DEF6: variants seen among roughly 807,000 people sequenced by gnomAD.
The protein encoded by DEF6 is differentially expressed in FDCP 6 homolog.
A neutral mutation model predicts 80.5 loss-of-function variants in DEF6; 32 were observed. The observed-to-expected ratio is 0.40, with a 90% CI of 0.30 to 0.53. DEF6 has a LOEUF of 0.53. Ranked by LOEUF, DEF6 falls within the 20% of genes least tolerant of loss-of-function variation. DEF6 has a pLI of 0.57. For missense variants in DEF6, 575 were observed against 818.7 expected (o/e 0.70, Z 3.63); for synonymous variants, 300 against 337.9 (o/e 0.89, Z 1.23).
In DEF6 at chr6:35,318,541, G is replaced by A. The variant is rs1346783675; in HGVS notation, c.1215+70G>A. On this transcript the variant is annotated intron_variant, in intron 7 of 10. Transcript: ENST00000316637. The surrounding 1 kb of genome is among the most constrained non-coding windows in gnomAD (Gnocchi z 5.1). ...AGGCTGGCCAGGGGCGGAGCGCCGG[G>A]GGCGGGGCCTGGGCAGAGGGCGGAG... 3 of 1,332,926 alleles carry A rather than the reference G, an allele frequency of 2.3e-6. No individual in the cohort carries two copies. Among genetic ancestry groups the A allele is most frequent in the Non-Finnish European group, 2.9e-6 (3 of 1,044,878 alleles). The allele number at this position is 1,332,926 out of a possible 1,614,324, so 82.6% of individuals were successfully genotyped here. A position where few individuals can be genotyped will look rare whatever the true frequency, so the allele number is the denominator to read the frequency against.
At chr6:35,305,184 CA>C (rs1791372967) in intron 1 of DEF6, among the ~76,000 whole-genome samples, 1 of 148,508 alleles carries the variant, frequency 6.7e-6, no homozygotes, top group Non-Finnish European at 1.5e-5. Flanking sequence ...CTGGATCTGT[CA>C]CTCAGGCTGG....
At chr6:35,309,484 A>T (rs1160308804) in intron 1 of DEF6, among the ~76,000 whole-genome samples, 186 bp from the exon 2 acceptor site, 1 of 152,224 alleles carries the variant, frequency 6.6e-6, no homozygotes, top group African/African-American at 2.4e-5. Context: ...AGCAAATGAT[A>T]TGTAAAGTAC....
intron 1 of DEF6, among the ~76,000 whole-genome samples, chr6:35,302,512 T>A (rs1449823334): frequency 6.6e-6 from 1 of 151,886 alleles, no homozygotes; most frequent in Non-Finnish European, 1.5e-5. Context: ...CACACTTGAG[T>A]TTTTAGGATC....
chr6:35,314,153 A>C (rs956781945), intron 5 of DEF6, among the ~76,000 whole-genome samples: 1 of 152,188 alleles, frequency 6.6e-6, no homozygotes, highest in Non-Finnish European at 1.5e-5. Context: ...CATGCCTGTA[A>C]TCCCAGCACT....
rs777495649 is a variant in DEF6 at position 35,312,807 on chromosome 6, G to A, written c.807+35G>A. 1 of 1,596,672 alleles carries A rather than the reference G, an allele frequency of 6.3e-7. No individual in the cohort carries two copies. The highest frequency in any genetic ancestry group is 1.7e-5 in the Admixed American group (1 of 57,652). On this transcript the variant is annotated intron_variant, in intron 5 of 10. Transcript: ENST00000316637. This position sits in a 1 kb window ranked among gnomAD's most constrained non-coding sequence, Gnocchi z 6.6. ...AGGATGGGGGTGGAGGACATCTCAGGGCCCAGAGTGTCCTCAGGGGCATGA... is the reference window on the plus strand; with the variant it reads ...AGGATGGGGGTGGAGGACATCTCAGAGCCCAGAGTGTCCTCAGGGGCATGA...
chr6:35,305,061 C>T (rs1791371458), intron 1 of DEF6, among the ~76,000 whole-genome samples: 1 of 144,790 alleles, frequency 6.9e-6, no homozygotes, highest in Admixed American at 6.7e-5. Context: ...CTTCCTGCCT[C>T]GGCCTCCTAA....
In DEF6 at chr6:35,309,689, A is replaced by G; in HGVS notation, c.116A>G (p.Tyr39Cys). ...SQLKVLSHNLYTVLHIPHDPV... is the reference protein window; with the variant it reads ...SQLKVLSHNLCTVLHIPHDPV... ...TCCCAGGTGCTGTCCCACAACCTGT[A>G]CACGGTCCTGCACATCCCCCATGAC... The change falls in exon 2 of 11, where the codon TAC (tyrosine) becomes TGC (cysteine). Residue 39 changes from tyrosine (Y) to cysteine (C), a missense_variant. Tyr to Cys is a radical substitution (Grantham distance 194, BLOSUM62 -2). Coordinates refer to ENST00000316637, the MANE Select transcript of DEF6 (RefSeq NM_022047.4). 1 of 1,613,960 alleles carries G rather than the reference A, an allele frequency of 6.2e-7. No individual in the cohort carries two copies. The highest frequency in any genetic ancestry group is 1.1e-5 in the South Asian group (1 of 91,072).
At position 35,310,385 on chromosome 6, in the gene DEF6, A is replaced by G. The variant is rs560723936; in HGVS notation, c.238-74A>G. On this transcript the variant is annotated intron_variant, in intron 2 of 10. Transcript: ENST00000316637. ...GGGAGCAGGGGCATAGATGAACCCA[A>G]GAAACCCAGCTGGAGCCTAGTGTCG... 4 of 1,558,892 alleles carry G rather than the reference A, an allele frequency of 2.6e-6. No homozygotes were observed. In the African/African-American group the frequency reaches 4.0e-5, roughly 16 times the overall value.
rs147547678 is a variant in DEF6, at chr6:35,307,367, C to G, written c.97-2303C>G. ...TGAGCCAACACCGCGCCACTGCGCT[C>G]TAGCCTGGGCGGCAGATTTGGAACG... On this transcript the variant is annotated intron_variant, in intron 1 of 10. Transcript: ENST00000316637. Among the ~76,000 whole-genome samples, 141 of 152,386 alleles carry G rather than the reference C, an allele frequency of 9.3e-4. 1 individual carries two copies. The highest frequency in any genetic ancestry group is 3.3e-3 in the African/African-American group (138 of 41,596).
rs774857860 is a variant in DEF6 at position 35,318,352 on chromosome 6, C to T, written c.1096C>T (p.Leu366=). The change falls in exon 7 of 11, where the codon CTG becomes TTG. Residue 366 remains leucine (L), a synonymous_variant. Transcript: ENST00000316637. This position sits in a 1 kb window ranked among gnomAD's most constrained non-coding sequence, Gnocchi z 5.1. ...EKERKLQELE[L]LQEAQRQAER... Reference sequence around the variant, plus strand: ...GGAGCGGAAGCTGCAGGAGCTGGAGCTGCTGCAGGAGGCGCAGCGGCAGGC... The same window carrying T: ...GGAGCGGAAGCTGCAGGAGCTGGAGTTGCTGCAGGAGGCGCAGCGGCAGGC... The T allele has an allele frequency of 3.2e-6, 5 of 1,543,216 alleles. No individual in the cohort carries two copies. The South Asian group carries it at 4.8e-5, about 15-fold the overall frequency.
intron 1 of DEF6, among the ~76,000 whole-genome samples, chr6:35,301,130 T>G (rs937649284): frequency 1.3e-5 from 2 of 152,184 alleles, no homozygotes; most frequent in Non-Finnish European, 2.9e-5. Flanking sequence ...AGTGAGACTC[T>G]TGCCCACTGA....
At chr6:35,317,710 A>G in intron 5 of DEF6, 181 bp from the exon 6 acceptor site, 3 of 566,116 alleles carry the variant, frequency 5.3e-6, no homozygotes, top group Non-Finnish European at 9.4e-6. Context: ...CAAAGGCTAC[A>G]GAGTTGTGGG....
Position 35,318,600 on chromosome 6 carries a change from C to G in DEF6, c.1215+129C>G. On this transcript the variant is annotated intron_variant, in intron 7 of 10. Coordinates refer to ENST00000316637, the MANE Select transcript of DEF6 (RefSeq NM_022047.4). The surrounding 1 kb of genome is among the most constrained non-coding windows in gnomAD (Gnocchi z 5.1). ...TTGAGGGGCGTGCACTGGGGTGGAG[C>G]TTGAAATGAGGGATTGTTGGGACAG... 1.1e-6 allele frequency: 1 copy of G among 893,818 alleles called. No homozygotes were observed. The highest frequency in any genetic ancestry group is 3.1e-5 in the South Asian group (1 of 32,116). 55.4% of individuals were successfully genotyped at this position (893,818 alleles called of 1,614,324 possible). A position where few individuals can be genotyped will look rare whatever the true frequency, so the allele number is the denominator to read the frequency against.
chr6:35,312,328 C>A lies in DEF6; in HGVS notation c.450C>A (p.Leu150=). 6.2e-7 allele frequency: 1 copy of A among 1,614,136 alleles called. No individual in the cohort carries two copies. Among genetic ancestry groups the A allele is most frequent in the South Asian group, 1.1e-5 (1 of 91,056 alleles). The change falls in exon 4 of 11, where the codon CTC becomes CTA. Residue 150 remains leucine, a synonymous_variant. Transcript: ENST00000316637. This position sits in a 1 kb window ranked among gnomAD's most constrained non-coding sequence, Gnocchi z 6.6. ...TGGAATACCTGCTGAAAAAGGTACT[C>A]AGCAGCATGAGCTTGGAGGTGAGCT... ...DEVEYLLKKV[L]SSMSLEVSLG... is the part of the protein sequence containing the mutation.
intron 1 of DEF6, among the ~76,000 whole-genome samples, chr6:35,304,913 C>T (rs1299606116): frequency 1.3e-5 from 2 of 151,132 alleles, no homozygotes; most frequent in East Asian, 2.0e-4. Flanking sequence ...AATATATTCT[C>T]CTGGTTTAAA....
intron 1 of DEF6, among the ~76,000 whole-genome samples, chr6:35,301,744 T>TTTTTTA (rs3045131): frequency 6.6e-6 from 1 of 150,958 alleles, no homozygotes; most frequent in Admixed American, 6.6e-5. Flanking sequence ...TTTTTTTTTT[T>TTTTTTA]AAGACAGAGT....
chr6:35,313,055 C>T (rs1315247356), intron 5 of DEF6, among the ~76,000 whole-genome samples: 1 of 152,186 alleles, frequency 6.6e-6, no homozygotes, highest in Non-Finnish European at 1.5e-5. Flanking sequence ...TACTACACAG[C>T]AAATCTTTCT....
chr6:35,308,672 CAAAATAAAATAAAAT>C (rs36231574), intron 1 of DEF6, among the ~76,000 whole-genome samples: 8,270 of 115,586 alleles, frequency 0.072, 509 homozygotes, highest in African/African-American at 0.18. Flanking sequence ...GACTCCGTCT[CAAAATAAAATAAAAT>C]AAAATAAAAT....
In DEF6 at chr6:35,319,019, C is replaced by G. The variant is rs971656395; in HGVS notation, c.1216-505C>G. On this transcript the variant is annotated intron_variant, in intron 7 of 10. Coordinates refer to ENST00000316637, the MANE Select transcript of DEF6 (RefSeq NM_022047.4). This position sits in a 1 kb window ranked among gnomAD's most constrained non-coding sequence, Gnocchi z 4.5. ...TCCCAGGCAAGTTCATTTTACTGAGCCTTATCAGTAAAATGCTAATGCTAA... is the reference window on the plus strand; with the variant it reads ...TCCCAGGCAAGTTCATTTTACTGAGGCTTATCAGTAAAATGCTAATGCTAA... Among the ~76,000 whole-genome samples the G allele has an allele frequency of 6.6e-6, 1 of 151,988 alleles. No individual in the cohort carries two copies. The highest frequency in any genetic ancestry group is 1.5e-5 in the Non-Finnish European group (1 of 68,000).
Sources: gnomAD v4.1 joint callset for allele counts (sites outside exome capture counted in the v4.1 genomes callset) on GRCh38, gnomAD v4.1.1 for gene constraint, Gnocchi (gnomAD v3.1) non-coding constraint, MANE v1.5 for transcripts, NCBI Gene and HGNC (gene_info 2026-07-23, HGNC 2026-07-21) for gene names.